Variants in AIRE observed in about 807,000 individuals in gnomAD.
AIRE encodes the protein autoimmune regulator, also known as autoimmune polyendocrinopathy candidiasis ectodermal dystrophy protein.
In AIRE, 52 loss-of-function variants were observed where a neutral mutation model predicts 62.1. The observed-to-expected ratio is 0.84, with a 90% confidence interval of 0.67 to 1.06. AIRE has a LOEUF of 1.06. Among genes scored for constraint, AIRE ranks in the 50% least tolerant of loss-of-function variants. AIRE has a pLI of 0.00. For missense variants in AIRE, 774 were observed against 755.8 expected, an observed-to-expected ratio of 1.02 and a Z score of -0.28; for synonymous variants, 342 against 321.6, an observed-to-expected ratio of 1.06 and a Z score of -0.68.
At position 44,292,920 on chromosome 21, in the gene AIRE, C is replaced by T. The variant is rs1172196005; in HGVS notation, c.1096-73C>T. ...CCTGCTGCCCTGGGTTTCAGGGTCC[C>T]AGCAGTCACTGACTCCTGGGTGGTG... On this transcript the variant is annotated intron_variant, in intron 9 of 13. Coordinates refer to ENST00000291582, the MANE Select transcript of AIRE (RefSeq NM_000383.4). 18 of 1,464,228 alleles carry T rather than the reference C, an allele frequency of 1.2e-5. 1 individual carries two copies. The highest frequency in any genetic ancestry group is 1.7e-5 in the Non-Finnish European group (18 of 1,050,992). 90.7% of individuals were successfully genotyped at this position (1,464,228 alleles called of 1,614,324 possible). A position where few individuals can be genotyped will look rare whatever the true frequency, so the allele number is the denominator to read the frequency against.
In AIRE at chr21:44,298,644, G is replaced by C. The variant is rs965754672; in HGVS notation, c.*917G>C. ...TTTGAGTAAAATCGCTGGATCACAT[G>C]GTAATTATATTTTTAATTTTTTGAA... On this transcript the variant is annotated 3_prime_UTR_variant, in exon 14 of 14. Transcript: ENST00000291582. The C allele has an allele frequency of 6.6e-6, 1 of 152,108 alleles. No homozygotes were observed. Among genetic ancestry groups the C allele is most frequent in the Admixed American group, 6.5e-5 (1 of 15,270 alleles). 9.4% of individuals were successfully genotyped at this position (152,108 alleles called of 1,614,324 possible). A position where few individuals can be genotyped will look rare whatever the true frequency, so the allele number is the denominator to read the frequency against.
At chr21:44,291,811 C>A (rs572955978) in intron 8 of AIRE, among the ~76,000 whole-genome samples, 2 of 152,306 alleles carry the variant, frequency 1.3e-5, no homozygotes, top group South Asian at 4.1e-4. Flanking sequence ...TCTGCCCCAG[C>A]CCCTGAGTGG....
In AIRE at chr21:44,286,753, C is replaced by T. The variant is rs1395994956; in HGVS notation, c.307+22C>T. On this transcript the variant is annotated intron_variant, in intron 2 of 13. Coordinates refer to ENST00000291582, the MANE Select transcript of AIRE (RefSeq NM_000383.4). The surrounding 1 kb of genome is among the most constrained non-coding windows in gnomAD (Gnocchi z 6.0). ...AAAGGTGGGTCCTGGTGGACTCAGCCATGCTGGGGGCCTGGGGCAGCTGCT... is the reference window on the plus strand; with the variant it reads ...AAAGGTGGGTCCTGGTGGACTCAGCTATGCTGGGGGCCTGGGGCAGCTGCT... 5.0e-6 allele frequency: 8 copies of T among 1,611,532 alleles called. No homozygotes were observed. The South Asian group carries it at 8.8e-5, about 18-fold the overall frequency.
At chr21:44,294,643 C>T in intron 12 of AIRE, 140 bp downstream of exon 12, 1 of 441,388 alleles carries the variant, frequency 2.3e-6, no homozygotes, top group Non-Finnish European at 4.0e-6. Flanking sequence ...ACCATGTGCT[C>T]ATTATCTGTA....
rs754217318 is a variant in AIRE at position 44,294,427 on chromosome 21, C to T, written c.1427C>T (p.Ser476Leu). The T allele has an allele frequency of 9.5e-6, 15 of 1,578,792 alleles. No individual in the cohort carries two copies. The highest frequency in any genetic ancestry group is 3.5e-5 in the Admixed American group (2 of 57,346). ...PGTGLRCRSCSGDVTPAPVEG... is the reference protein window; with the variant it reads ...PGTGLRCRSCLGDVTPAPVEG... ...ACGGGCCTGCGCTGCAGATCCTGCT[C>T]AGGAGACGTGACCCCAGCCCCTGTG... Residue 476 changes from serine (S) to leucine (L), a missense_variant, in exon 12 of 14, where the codon TCA (serine) becomes TTA (leucine). Physicochemically the swap from Ser to Leu is moderately radical, Grantham distance 145 (BLOSUM62 -2). Transcript: ENST00000291582.
rs577234426 is a variant in AIRE at position 44,286,785 on chromosome 21, T to C, written c.307+54T>C. The C allele has an allele frequency of 5.0e-6, 8 of 1,599,562 alleles. No individual in the cohort carries two copies. In the African/African-American group the frequency reaches 9.4e-5, roughly 19 times the overall value. On this transcript the variant is annotated intron_variant, in intron 2 of 13. Coordinates refer to ENST00000291582, the MANE Select transcript of AIRE (RefSeq NM_000383.4). This position sits in a 1 kb window ranked among gnomAD's most constrained non-coding sequence, Gnocchi z 6.0. Reference sequence around the variant, plus strand: ...GGGGCCTGGGGCAGCTGCTGTCACCTGCTCAGCCCAGCTGGACTGGAACCG... The same window carrying C: ...GGGGCCTGGGGCAGCTGCTGTCACCCGCTCAGCCCAGCTGGACTGGAACCG...
At chr21:44,291,318 A>G in intron 8 of AIRE, 108 bp downstream of exon 8, 1 of 1,501,178 alleles carries the variant, frequency 6.7e-7, no homozygotes, top group Non-Finnish European at 9.0e-7. Flanking sequence ...CCAAGATGGA[A>G]AGGGGTTCTG....
chr21:44,290,323 C>T (rs1396013853), intron 7 of AIRE: 10 of 985,356 alleles, frequency 1.0e-5, no homozygotes, highest in East Asian at 2.3e-4. Flanking sequence ...AGGCTGTACC[C>T]GCTGCTCTCA....
chr21:44,296,374 G>A lies in AIRE; in HGVS notation c.1504-9G>A. The A allele has an allele frequency of 2.5e-6, 4 of 1,611,566 alleles. No individual in the cohort carries two copies. The highest frequency in any genetic ancestry group is 3.4e-6 in the Non-Finnish European group (4 of 1,178,964). Reference sequence around the variant, plus strand: ...GTTGGGCTGACCTCTTCTCTTTACTGGGTTCCAGGATGACACTGCCAGTCA... The same window carrying A: ...GTTGGGCTGACCTCTTCTCTTTACTAGGTTCCAGGATGACACTGCCAGTCA... On this transcript the variant is annotated splice_polypyrimidine_tract_variant and intron_variant, in intron 12 of 13. Coordinates refer to ENST00000291582, the MANE Select transcript of AIRE (RefSeq NM_000383.4).
chr21:44,296,014 C>G (rs947479871), intron 12 of AIRE, among the ~76,000 whole-genome samples: 47 of 152,166 alleles, frequency 3.1e-4, no homozygotes, highest in Non-Finnish European at 5.0e-4. Flanking sequence ...TGTGGGCTGG[C>G]CCTGGTGGTG....
At chr21:44,288,307 T>C (rs939162622) in intron 4 of AIRE, 38 bp from the exon 5 acceptor site, 1 of 1,470,106 alleles carries the variant, frequency 6.8e-7, no homozygotes, top group African/African-American at 1.4e-5. Context: ...GGAACAGTCT[T>C]CCCCACGGGT....
chr21:44,286,874 G>A lies in AIRE; in HGVS notation c.308-104G>A, dbSNP rs1010508384. 22 of 1,570,090 alleles carry A rather than the reference G, an allele frequency of 1.4e-5. No individual in the cohort carries two copies. The highest frequency in any genetic ancestry group is 1.7e-5 in the Non-Finnish European group (20 of 1,145,002). ...CCGTCTTGGATCCTAAGAGGCAAAG[G>A]GGCCAGGCCTCACCTGTCTGGCCAA... On this transcript the variant is annotated intron_variant, in intron 2 of 13. Transcript: ENST00000291582. This position sits in a 1 kb window ranked among gnomAD's most constrained non-coding sequence, Gnocchi z 6.0.
At chr21:44,290,672 A>G in intron 7 of AIRE, 1 of 1,223,294 alleles carries the variant, frequency 8.2e-7, no homozygotes, top group Non-Finnish European at 1.1e-6. Context: ...TACCTGGGAG[A>G]CCCCTGAAGG....
At chr21:44,296,626 C>G (rs1006231005) in intron 13 of AIRE, among the ~76,000 whole-genome samples, 181 bp downstream of exon 13, 1 of 151,058 alleles carries the variant, frequency 6.6e-6, no homozygotes, top group African/African-American at 2.4e-5. Flanking sequence ...TGGCACCCCC[C>G]ACAGGAGCCC....
At chr21:44,295,648 C>T (rs1351048651) in intron 12 of AIRE, among the ~76,000 whole-genome samples, 2 of 152,200 alleles carry the variant, frequency 1.3e-5, no homozygotes, top group Non-Finnish European at 2.9e-5. Flanking sequence ...AATGTAACGC[C>T]ATGTCAGAGG....
chr21:44,293,127 C>G lies in AIRE; in HGVS notation c.1230C>G (p.Asp410Glu). Residue 410 changes from aspartate (D) to glutamate (E), a missense_variant, in exon 10 of 14, where the codon GAC becomes GAG. Physicochemically the swap from Asp to Glu is conservative, Grantham distance 45. Transcript: ENST00000291582. ...CTGCAGCCCCGCTGCCAGGGCTGGACTCCTCGGCCCTGCACCCCCTACTGT... is the reference window on the plus strand; with the variant it reads ...CTGCAGCCCCGCTGCCAGGGCTGGAGTCCTCGGCCCTGCACCCCCTACTGT... ...PPSAAPLPGL[D>E]SSALHPLLCV... 6.3e-7 allele frequency: 1 copy of G among 1,593,702 alleles called. No individual in the cohort carries two copies. Among genetic ancestry groups the G allele is most frequent in the Non-Finnish European group, 8.5e-7 (1 of 1,170,782 alleles).
chr21:44,296,375 G>A lies in AIRE; in HGVS notation c.1504-8G>A, dbSNP rs1286872851. The A allele has an allele frequency of 1.9e-6, 3 of 1,611,774 alleles. No individual in the cohort carries two copies. Among genetic ancestry groups the A allele is most frequent in the Admixed American group, 1.7e-5 (1 of 59,996 alleles). On this transcript the variant is annotated splice_polypyrimidine_tract_variant and splice_region_variant and intron_variant, in intron 12 of 13. Coordinates refer to ENST00000291582, the MANE Select transcript of AIRE (RefSeq NM_000383.4). ...TTGGGCTGACCTCTTCTCTTTACTG[G>A]GTTCCAGGATGACACTGCCAGTCAC...
rs774507800 is a variant in AIRE, at chr21:44,288,330, T to C, written c.539-15T>C. On this transcript the variant is annotated splice_polypyrimidine_tract_variant and intron_variant, in intron 4 of 13. Coordinates refer to ENST00000291582, the MANE Select transcript of AIRE (RefSeq NM_000383.4). ...CTTCCCCACGGGTGACCCCAATGGG[T>C]GTTCCCTTTCCCAGGGATTCAGACC... The C allele has an allele frequency of 5.2e-5, 82 of 1,564,512 alleles. No homozygotes were observed. Among genetic ancestry groups the C allele is most frequent in the Non-Finnish European group, 6.8e-5 (77 of 1,135,964 alleles).
In AIRE at chr21:44,297,776, A is replaced by ACTGTC. The variant is rs770861421; in HGVS notation, c.*50_*51insTGTCC. 67 of 1,553,478 alleles carry ACTGTC rather than the reference A, an allele frequency of 4.3e-5. No individual in the cohort carries two copies. The highest frequency in any genetic ancestry group is 5.5e-5 in the Non-Finnish European group (62 of 1,128,156). On this transcript the variant is annotated 3_prime_UTR_variant, in exon 14 of 14. Transcript: ENST00000291582. The surrounding 1 kb of genome is among the most constrained non-coding windows in gnomAD (Gnocchi z 4.8). ...CTCTGATGAGAGAGTGCTGAGAAGG[A>ACTGTC]CACCTCCTTCCTCAGTCCTGGAAGC...
Sources: allele counts gnomAD v4.1 joint callset (sites outside exome capture counted in the v4.1 genomes callset), GRCh38; gene constraint gnomAD v4.1.1; non-coding constraint Gnocchi (gnomAD v3.1); transcripts MANE v1.5; gene names NCBI Gene and HGNC (gene_info 2026-07-23, HGNC 2026-07-21).